Variants in PRICKLE1 observed in about 807,000 individuals in gnomAD.
PRICKLE1 encodes the protein prickle-like protein 1.
Under a neutral mutation model 70.2 loss-of-function variants are expected in PRICKLE1, and 14 were observed. The ratio of observed to expected loss-of-function variants is 0.20; its 90% CI spans 0.13 to 0.31. The LOEUF (loss-of-function observed/expected upper bound fraction) is 0.31, where lower values mean the gene tolerates loss of function less well. Ranked by LOEUF, PRICKLE1 falls within the 10% of genes least tolerant of loss-of-function variation. The pLI, the probability that PRICKLE1 is intolerant of heterozygous loss-of-function variation, is 1.00. For synonymous variants in PRICKLE1, 357 were observed against 379.9 expected (o/e 0.94, Z 0.70); for missense variants, 821 against 1,026.2 (o/e 0.80, Z 2.73).
chr12:42,560,936 A>G (rs1940503669), intron 1 of PRICKLE1, among the ~76,000 whole-genome samples: 1 of 152,216 alleles, frequency 6.6e-6, no homozygotes, highest in African/African-American at 2.4e-5. Context: ...AAAATGTCTT[A>G]CAGGATTTGT....
chr12:42,519,389 T>C (rs1046102936), intron 1 of PRICKLE1, among the ~76,000 whole-genome samples: 10 of 151,894 alleles, frequency 6.6e-5, no homozygotes, highest in African/African-American at 2.2e-4. Flanking sequence ...AGAGATGGGG[T>C]TTCACCATGT....
At chr12:42,513,857 C>CGTGGTG (rs1939559917) in intron 1 of PRICKLE1, among the ~76,000 whole-genome samples, 1 of 151,940 alleles carries the variant, frequency 6.6e-6, no homozygotes, top group Non-Finnish European at 1.5e-5. Context: ...ATTAGCCAGG[C>CGTGGTG]GTGGTGGTGC....
chr12:42,514,024 A>G (rs1377189678), intron 1 of PRICKLE1, among the ~76,000 whole-genome samples: 2 of 152,152 alleles, frequency 1.3e-5, no homozygotes, highest in African/African-American at 4.8e-5. Flanking sequence ...AAAAGATATT[A>G]TACAATAAAA....
rs746977003 is a variant in PRICKLE1, at chr12:42,459,373, G to A, written c.*436C>T. 1.4e-6 allele frequency: 1 copy of A among 702,236 alleles called. No individual in the cohort carries two copies. Among genetic ancestry groups the A allele is most frequent in the South Asian group, 1.5e-5 (1 of 67,578 alleles). 43.5% of individuals were successfully genotyped at this position (702,236 alleles called of 1,614,324 possible). A position where few individuals can be genotyped will look rare whatever the true frequency, so the allele number is the denominator to read the frequency against. On this transcript the variant is annotated 3_prime_UTR_variant, in exon 8 of 8. Coordinates refer to ENST00000345127, the MANE Select transcript of PRICKLE1 (RefSeq NM_153026.3). ...GATGCACAGTGTTAGCTAGGTCATC[G>A]TGACAGGCATGCCTCACACCAAGAC...
intron 1 of PRICKLE1, among the ~76,000 whole-genome samples, chr12:42,494,579 G>C (rs949367635): frequency 1.3e-5 from 2 of 152,020 alleles, no homozygotes; most frequent in African/African-American, 4.8e-5. Context: ...GGCTGAGACG[G>C]GTGGATCACT....
chr12:42,489,688 T>G (rs145071057), intron 1 of PRICKLE1: 1 of 142,196 alleles, frequency 7.0e-6, no homozygotes, highest in Non-Finnish European at 1.5e-5. Context: ...AAAAAAAAAT[T>G]CCAAATTTAA....
At chr12:42,514,778 A>G (rs182251063) in intron 1 of PRICKLE1, among the ~76,000 whole-genome samples, 2 of 151,734 alleles carry the variant, frequency 1.3e-5, no homozygotes, top group East Asian at 4.2e-4. Flanking sequence ...AGCAGTTCTC[A>G]GTTTCTTCCC....
At chr12:42,560,865 G>A (rs1000910567) in intron 1 of PRICKLE1, among the ~76,000 whole-genome samples, 5 of 151,464 alleles carry the variant, frequency 3.3e-5, no homozygotes, top group African/African-American at 9.7e-5. Flanking sequence ...ATGTAATCAT[G>A]CTGTTAACTT....
chr12:42,533,813 G>A (rs573543209), intron 1 of PRICKLE1, among the ~76,000 whole-genome samples: 1 of 152,178 alleles, frequency 6.6e-6, no homozygotes, highest in African/African-American at 2.4e-5. Context: ...CACAGCAGAG[G>A]CCTTGTTCTT....
intron 1 of PRICKLE1, among the ~76,000 whole-genome samples, chr12:42,493,823 A>AC (rs1593136705): frequency 6.6e-6 from 1 of 151,276 alleles, no homozygotes; most frequent in Non-Finnish European, 1.5e-5. Flanking sequence ...GCACCACTGT[A>AC]CCCCAGCCTG....
At chr12:42,576,741 T>C (rs1046348150) in intron 1 of PRICKLE1, among the ~76,000 whole-genome samples, 1 of 152,220 alleles carries the variant, frequency 6.6e-6, no homozygotes, top group Admixed American at 6.5e-5. Flanking sequence ...CAGATAGTAA[T>C]GCTTCCCGGT....
intron 1 of PRICKLE1, among the ~76,000 whole-genome samples, chr12:42,533,213 C>CTTTTTTT (rs58449125): frequency 7.0e-6 from 1 of 142,872 alleles, no homozygotes; most frequent in Non-Finnish European, 1.5e-5. Flanking sequence ...TTTTTTTCTT[C>CTTTTTTT]TTTTTTTTTT....
chr12:42,577,846 A>G (rs927249167), intron 1 of PRICKLE1, among the ~76,000 whole-genome samples: 4 of 152,190 alleles, frequency 2.6e-5, no homozygotes, highest in Admixed American at 1.3e-4. Context: ...GGTAAGCTAC[A>G]AGTGCTTGCT....
intron 1 of PRICKLE1, among the ~76,000 whole-genome samples, chr12:42,492,191 G>A (rs557665261): frequency 2.6e-5 from 4 of 151,734 alleles, no homozygotes; most frequent in Non-Finnish European, 4.4e-5. Context: ...AGCCTCTACC[G>A]CCCAGGCTCA....
chr12:42,488,641 T>C (rs12817499), intron 1 of PRICKLE1, among the ~76,000 whole-genome samples: 35,575 of 152,110 alleles, frequency 0.23, 4,212 homozygotes, highest in Admixed American at 0.31. Context: ...ACTAAGAAAA[T>C]ATATTCCAAT....
chr12:42,466,362 A>G lies in PRICKLE1; in HGVS notation c.607T>C (p.Cys203Arg), dbSNP rs1593108697. The G allele has an allele frequency of 6.2e-7, 1 of 1,614,208 alleles. No individual in the cohort carries two copies. Among genetic ancestry groups the G allele is most frequent in the East Asian group, 2.2e-5 (1 of 44,884 alleles). ...CAATGGCGACCCTCAGCTTCTGTGC[A>G]CTCATCAGCAAAAATTATCTTCAAA... ...ACDEIIFADE[C>R]TEAEGRHWHM... is the part of the protein sequence containing the mutation. Residue 203 changes from cysteine (C) to arginine (R), a missense_variant, in exon 6 of 8, where the codon TGC (cysteine) becomes CGC (arginine). Physicochemically the swap from Cys to Arg is radical, Grantham distance 180. Coordinates refer to ENST00000345127, the MANE Select transcript of PRICKLE1 (RefSeq NM_153026.3).
chr12:42,571,126 C>T (rs920856117), intron 1 of PRICKLE1, among the ~76,000 whole-genome samples: 8 of 152,072 alleles, frequency 5.3e-5, no homozygotes, highest in African/African-American at 1.7e-4. Context: ...AATTGCCTGT[C>T]AAATTCTGCC....
chr12:42,487,937 T>C (rs1939019735), intron 1 of PRICKLE1, among the ~76,000 whole-genome samples: 1 of 152,100 alleles, frequency 6.6e-6, no homozygotes, highest in Non-Finnish European at 1.5e-5. Context: ...TCCCAGCTAC[T>C]TGGGAGGCTG....
chr12:42,587,165 A>T (rs1057212372), intron 1 of PRICKLE1, among the ~76,000 whole-genome samples: 5 of 152,254 alleles, frequency 3.3e-5, no homozygotes, highest in Non-Finnish European at 7.3e-5. Context: ...TTAGTAAAAT[A>T]TATCATTTTT....
Sources: gnomAD v4.1 joint callset for allele counts (sites outside exome capture counted in the v4.1 genomes callset) on GRCh38, gnomAD v4.1.1 for gene constraint, MANE v1.5 for transcripts, NCBI Gene and HGNC (gene_info 2026-07-23, HGNC 2026-07-21) for gene names.